The following DNAH14 variants were observed in gnomAD, a reference collection of about 807,000 sequenced individuals.
DNAH14 encodes dynein axonemal heavy chain 14, also known as axonemal beta dynein heavy chain 14.
DNAH14 carries 478 observed loss-of-function variants against 520.9 expected under a neutral mutation model. The ratio of observed to expected loss-of-function variants is 0.92; its 90% confidence interval spans 0.85 to 0.99. The LOEUF (loss-of-function observed/expected upper bound fraction) is 0.99, where lower values mean the gene tolerates loss of function less well. DNAH14 is among the 50% of genes least tolerant of loss of function. The pLI, the probability that DNAH14 is intolerant of heterozygous loss-of-function variation, is 0.00. For synonymous variants in DNAH14, 1,581 were observed against 1,757.2 expected (o/e 0.90, Z 2.51); for missense variants, 4,831 against 5,234.5 (o/e 0.92, Z 2.38).
intron 36 of DNAH14, among the ~76,000 whole-genome samples, chr1:225,169,060 C>T (rs557149894): frequency 6.6e-6 from 1 of 152,286 alleles, no homozygotes; most frequent in African/African-American, 2.4e-5. Context: ...GGACCTCCAG[C>T]AAAATCCAAC....
chr1:225,102,826 G>C (rs940900992), intron 23 of DNAH14, among the ~76,000 whole-genome samples: 3 of 151,940 alleles, frequency 2.0e-5, no homozygotes, highest in African/African-American at 7.3e-5. Context: ...AAAATTTTCT[G>C]CCATCCTGTA....
intron 10 of DNAH14, among the ~76,000 whole-genome samples, chr1:225,007,798 T>G (rs1278264203): frequency 2.6e-5 from 4 of 151,936 alleles, no homozygotes; most frequent in Non-Finnish European, 4.4e-5. Context: ...CTTATGAAAT[T>G]TAATATATTT....
At chr1:225,368,498 G>GTT (rs2095579990) in intron 77 of DNAH14, among the ~76,000 whole-genome samples, 1 of 152,176 alleles carries the variant, frequency 6.6e-6, no homozygotes, top group Non-Finnish European at 1.5e-5. Flanking sequence ...GTGGGGAAAA[G>GTT]TTTAGCTCAG....
chr1:225,364,853 T>C lies in DNAH14; in HGVS notation c.12049T>C (p.Tyr4017His). 6.5e-7 allele frequency: 1 copy of C among 1,549,034 alleles called. No individual in the cohort carries two copies. Among genetic ancestry groups the C allele is most frequent in the Non-Finnish European group, 8.7e-7 (1 of 1,146,032 alleles). ...TCGGCTATGGTTAAGCTCAAAATCA[T>C]ACAGTTCTTTTCCAATTCCTGTTCT... ...EFRLWLSSKS[Y>H]SSFPIPVLKK... is the part of the protein sequence containing the mutation. The change falls in exon 76 of 86, where the codon TAC becomes CAC. Residue 4017 changes from tyrosine (Y) to histidine (H), a missense_variant. Physicochemically the swap from Tyr to His is moderately conservative, Grantham distance 83. Coordinates refer to ENST00000682510, the MANE Select transcript of DNAH14 (RefSeq NM_001367479.1).
Position 225,345,928 on chromosome 1 carries a change from T to A in DNAH14, c.10679-34T>A, listed in dbSNP as rs556891284. 222 of 1,498,690 alleles carry A rather than the reference T, an allele frequency of 1.5e-4. 3 individuals are homozygous for A. The East Asian group carries it at 5.2e-3, about 35-fold the overall frequency. 92.8% of individuals were successfully genotyped at this position (1,498,690 alleles called of 1,614,324 possible). Reference sequence around the variant, plus strand: ...AAATAGCCATTTACTGTTACAATAGTCTTTATTTAACTTCACTTTTTGTTT... The same window carrying A: ...AAATAGCCATTTACTGTTACAATAGACTTTATTTAACTTCACTTTTTGTTT... On this transcript the variant is annotated intron_variant, in intron 69 of 85. Transcript: ENST00000682510.
At chr1:224,991,596 C>T (rs1252770895) in intron 8 of DNAH14, among the ~76,000 whole-genome samples, 2 of 152,072 alleles carry the variant, frequency 1.3e-5, no homozygotes, top group Non-Finnish European at 2.9e-5. Flanking sequence ...CTGCCTCAGC[C>T]GCCTGAGTAG....
At position 225,063,246 on chromosome 1, in the gene DNAH14, C is replaced by T. The variant is rs115939624; in HGVS notation, c.2424+11451C>T. ...ACCAAAATCCATAGATACTCAAGTC[C>T]CTTATGTAAATCATGTATTTGCATA... On this transcript the variant is annotated intron_variant, in intron 17 of 85. Transcript: ENST00000682510. Among the ~76,000 whole-genome samples, 721 of 152,150 alleles carry T rather than the reference C, an allele frequency of 4.7e-3. 4 individuals carry two copies. The highest frequency in any genetic ancestry group is 0.016 in the African/African-American group (678 of 41,526).
At chr1:225,110,608 T>C (rs2076408005) in intron 23 of DNAH14, among the ~76,000 whole-genome samples, 1 of 151,868 alleles carries the variant, frequency 6.6e-6, no homozygotes, top group African/African-American at 2.4e-5. Context: ...GTTTTCTTTA[T>C]GTTTTTTTCT....
intron 27 of DNAH14, among the ~76,000 whole-genome samples, chr1:225,126,593 T>C (rs1198037503): frequency 6.6e-6 from 1 of 152,172 alleles, no homozygotes; most frequent in Non-Finnish European, 1.5e-5. Context: ...TTGATTCTTC[T>C]CTCTTTTTTT....
chr1:225,143,730 AC>A (rs907237305), intron 28 of DNAH14, among the ~76,000 whole-genome samples: 105 of 152,292 alleles, frequency 6.9e-4, no homozygotes, highest in Non-Finnish European at 1.2e-3. Flanking sequence ...TTAAAAAAAA[AC>A]ATAAAATTCT....
rs1435581927 is a variant in DNAH14 at position 225,388,359 on chromosome 1, C to T, written c.13078-20C>T. The T allele has an allele frequency of 1.4e-6, 2 of 1,434,564 alleles. No homozygotes were observed. Among genetic ancestry groups the T allele is most frequent in the South Asian group, 2.6e-5 (2 of 77,010 alleles). 88.9% of individuals were successfully genotyped at this position (1,434,564 alleles called of 1,614,324 possible). A position where few individuals can be genotyped will look rare whatever the true frequency, so the allele number is the denominator to read the frequency against. The stretch of plus-strand genomic sequence containing the variant: ...AAGACAAAGAAAAAAAATGATGTGA[C>T]TGTCTTTAAATCCCAACAGAAACAC... On this transcript the variant is annotated intron_variant, in intron 81 of 85. Coordinates refer to ENST00000682510, the MANE Select transcript of DNAH14 (RefSeq NM_001367479.1).
chr1:225,388,886 C>G (rs2095872213), intron 82 of DNAH14, among the ~76,000 whole-genome samples: 1 of 152,034 alleles, frequency 6.6e-6, no homozygotes, highest in Admixed American at 6.5e-5. Flanking sequence ...AAGCAATTCT[C>G]CTGCCTCAGG....
intron 35 of DNAH14, among the ~76,000 whole-genome samples, chr1:225,160,460 C>G (rs1185847729): frequency 2.0e-5 from 3 of 152,164 alleles, no homozygotes; most frequent in African/African-American, 7.2e-5. Context: ...CTTACACACA[C>G]AGAAAGACCA....
intron 6 of DNAH14, 102 bp downstream of exon 6, chr1:224,967,685 C>A: frequency 6.3e-7 from 1 of 1,598,076 alleles, no homozygotes; most frequent in South Asian, 1.1e-5. Context: ...TTCAGAGATA[C>A]TTGGTCATTT....
intron 11 of DNAH14, among the ~76,000 whole-genome samples, chr1:225,028,129 A>G (rs543431495): frequency 5.3e-5 from 8 of 152,174 alleles, no homozygotes; most frequent in African/African-American, 1.4e-4. Context: ...TGGATTCAGG[A>G]TAAGACTCAC....
intron 11 of DNAH14, among the ~76,000 whole-genome samples, chr1:225,036,277 A>T (rs1033128998): frequency 6.6e-6 from 1 of 152,132 alleles, no homozygotes; most frequent in African/African-American, 2.4e-5. Context: ...CTGGGATTAC[A>T]GGCACACACC....
chr1:224,977,678 CA>C (rs1416515487), intron 8 of DNAH14, among the ~76,000 whole-genome samples: 1 of 151,800 alleles, frequency 6.6e-6, no homozygotes, highest in Non-Finnish European at 1.5e-5. Flanking sequence ...AAATGGTTTT[CA>C]AAAAAAGAAT....
chr1:225,346,322 A>G lies in DNAH14; in HGVS notation c.11039A>G (p.Asn3680Ser). 1.3e-6 allele frequency: 2 copies of G among 1,541,340 alleles called. No homozygotes were observed. Among genetic ancestry groups the G allele is most frequent in the Non-Finnish European group, 8.7e-7 (1 of 1,144,452 alleles). Residue 3680 changes from asparagine (N) to serine (S), a missense_variant, in exon 70 of 86, where the codon AAT becomes AGT. Transcript: ENST00000682510. ...GAACCCAACCTGGAAAATGAGAAAA[A>G]TCTCTTAGATAAGCATATTAAAAGT... ...SKEPNLENEK[N>S]LLDKHIKSAI...
At chr1:225,053,016 G>A (rs1340290035) in intron 17 of DNAH14, among the ~76,000 whole-genome samples, 1 of 152,058 alleles carries the variant, frequency 6.6e-6, no homozygotes, top group Non-Finnish European at 1.5e-5. Context: ...ATGGAAGAAG[G>A]CAGCAAAGAA....
Sources: allele counts gnomAD v4.1 joint callset (sites outside exome capture counted in the v4.1 genomes callset), GRCh38; gene constraint gnomAD v4.1.1; transcripts MANE v1.5; gene names NCBI Gene and HGNC (gene_info 2026-07-23, HGNC 2026-07-21).